The following NOX5 variants were observed in gnomAD, a reference collection of about 807,000 sequenced individuals.
The protein encoded by NOX5 is NADPH oxidase, EF-hand calcium binding domain 5.
A neutral mutation model predicts 85.7 loss-of-function variants in NOX5; 76 were observed. The ratio of observed to expected loss-of-function variants is 0.89; its 90% confidence interval spans 0.74 to 1.07. The LOEUF (loss-of-function observed/expected upper bound fraction) is 1.07. Ranked by LOEUF, NOX5 falls within the 50% of genes least tolerant of loss-of-function variation. The pLI is 0.00. For synonymous variants in NOX5, 405 were observed against 401.4 expected, an observed-to-expected ratio of 1.01 and a Z score of -0.11; for missense variants, 973 against 999.5, an observed-to-expected ratio of 0.97 and a Z score of 0.36.
At chr15:69,017,772 T>G (rs2050248600) in intron 1 of NOX5, among the ~76,000 whole-genome samples, 1 of 148,314 alleles carries the variant, frequency 6.7e-6, no homozygotes, top group Non-Finnish European at 1.5e-5. Flanking sequence ...TTGATATATT[T>G]TATACACACA....
chr15:69,037,116 C>T lies in NOX5; in HGVS notation c.1277C>T (p.Pro426Leu). 3 of 1,614,110 alleles carry T rather than the reference C, an allele frequency of 1.9e-6. No homozygotes were observed. Among genetic ancestry groups the T allele is most frequent in the Non-Finnish European group, 2.5e-6 (3 of 1,180,024 alleles). The change falls in exon 8 of 16, where the codon CCT (proline) becomes CTT (leucine). Residue 426 changes from proline (P) to leucine (L), a missense_variant. Coordinates refer to ENST00000388866, the MANE Select transcript of NOX5 (RefSeq NM_024505.4). ...GPNFWKWLLV[P>L]GILFFLEKAI... ...AACTTCTGGAAGTGGCTGCTGGTGC[C>T]TGGAATCTTGTTTTTCCTGGAGAAG...
intron 1 of NOX5, among the ~76,000 whole-genome samples, chr15:69,016,012 C>T (rs543983942): frequency 3.4e-4 from 52 of 152,330 alleles, no homozygotes; most frequent in African/African-American, 1.2e-3. Context: ...AAAGAGGCTC[C>T]TTGGCTGATG....
At chr15:69,033,707 T>TC (rs1340527537) in intron 5 of NOX5, among the ~76,000 whole-genome samples, 13 of 149,596 alleles carry the variant, frequency 8.7e-5, no homozygotes, top group African/African-American at 3.2e-4. Context: ...TTTTCTTTTT[T>TC]TTTTTTTTTT....
At chr15:69,046,726 A>G (rs1024110031) in intron 10 of NOX5, 96 bp from the exon 11 acceptor site, 26 of 1,185,152 alleles carry the variant, frequency 2.2e-5, no homozygotes, top group Admixed American at 4.1e-5. Context: ...TTCCCTTTTT[A>G]TAAAGTTGCT....
At chr15:69,025,992 G>GA (rs2050352674) in intron 1 of NOX5, among the ~76,000 whole-genome samples, 1 of 151,988 alleles carries the variant, frequency 6.6e-6, no homozygotes, top group South Asian at 2.1e-4. Flanking sequence ...GGGCAGAATG[G>GA]AAAAAAACAC....
intron 10 of NOX5, among the ~76,000 whole-genome samples, chr15:69,043,013 CA>C (rs1304483332): frequency 2.6e-5 from 4 of 152,212 alleles, no homozygotes; most frequent in Admixed American, 2.6e-4. Context: ...TGATGTCCCC[CA>C]TTAGAAGGGG....
intron 9 of NOX5, 87 bp downstream of exon 9, chr15:69,039,076 C>T (rs971518764): frequency 7.6e-6 from 11 of 1,448,922 alleles, no homozygotes; most frequent in Admixed American, 1.7e-5. Context: ...CGGAACACAG[C>T]ACTGAACAAG....
intron 14 of NOX5, among the ~76,000 whole-genome samples, chr15:69,053,217 G>C (rs984356547): frequency 2.6e-5 from 4 of 152,136 alleles, no homozygotes; most frequent in Non-Finnish European, 4.4e-5. Context: ...ACCCTTAATA[G>C]GTATAGGACC....
intron 5 of NOX5, 104 bp downstream of exon 5, chr15:69,033,381 A>AG: frequency 7.7e-7 from 1 of 1,305,118 alleles, no homozygotes; most frequent in Non-Finnish European, 1.0e-6. Context: ...ATGCCAGGGC[A>AG]GGGTGGCACC....
intron 14 of NOX5, among the ~76,000 whole-genome samples, chr15:69,049,781 C>G (rs1206283033): frequency 6.6e-6 from 1 of 152,120 alleles, no homozygotes; most frequent in Non-Finnish European, 1.5e-5. Context: ...TAACATGCTC[C>G]TCAAACGATT....
chr15:69,047,716 C>T lies in NOX5; in HGVS notation c.1818-114C>T. 3 of 1,325,854 alleles carry T rather than the reference C, an allele frequency of 2.3e-6. 1 individual carries two copies. In the South Asian group the frequency reaches 4.0e-5, roughly 18 times the overall value. 82.1% of individuals were successfully genotyped at this position (1,325,854 alleles called of 1,614,324 possible). ...TTTTTGTGTCTCATCCCTCCCCTTC[C>T]TCATAGAGTGGGCTCTGCCACCCCA... On this transcript the variant is annotated intron_variant, in intron 12 of 15. Transcript: ENST00000388866.
chr15:69,023,637 T>A (rs2050321592), intron 1 of NOX5: 3 of 182,574 alleles, frequency 1.6e-5, no homozygotes, highest in African/African-American at 7.2e-5. Flanking sequence ...TTATCTAATT[T>A]ACTACCAGGA....
Position 69,058,747 on chromosome 15 carries a change from G to C in NOX5, c.*2051G>C, listed in dbSNP as rs905169468. On this transcript the variant is annotated 3_prime_UTR_variant, in exon 16 of 16. Coordinates refer to ENST00000388866, the MANE Select transcript of NOX5 (RefSeq NM_024505.4). The stretch of plus-strand genomic sequence containing the variant: ...CACACCTGGAGTTTTACCAGCCTGA[G>C]GCCACACACTCTTGGAACCTCTTTC... 6.6e-6 allele frequency: 1 copy of C among 152,086 alleles called. No individual in the cohort carries two copies. Among genetic ancestry groups the C allele is most frequent in the Non-Finnish European group, 1.5e-5 (1 of 68,046 alleles). 9.4% of individuals were successfully genotyped at this position (152,086 alleles called of 1,614,324 possible).
At chr15:69,016,167 A>G (rs2050229896) in intron 1 of NOX5, among the ~76,000 whole-genome samples, 1 of 152,042 alleles carries the variant, frequency 6.6e-6, no homozygotes, top group South Asian at 2.1e-4. Context: ...TACTAAATAA[A>G]GTGGCTGGCA....
intron 9 of NOX5, among the ~76,000 whole-genome samples, chr15:69,039,665 CT>C (rs1292975565): frequency 6.6e-6 from 1 of 152,156 alleles, no homozygotes; most frequent in East Asian, 1.9e-4. Flanking sequence ...GGACTTGGGC[CT>C]TATAGAGCCC....
chr15:69,032,750 A>G (rs1022910085), intron 4 of NOX5, among the ~76,000 whole-genome samples: 2 of 152,196 alleles, frequency 1.3e-5, no homozygotes, highest in Admixed American at 6.5e-5. Context: ...TACTTACCAA[A>G]ACATATTTCA....
chr15:69,037,219 G>T lies in NOX5; in HGVS notation c.1371+9G>T. 1 of 1,610,728 alleles carries T rather than the reference G, an allele frequency of 6.2e-7. No individual in the cohort carries two copies. Among genetic ancestry groups the T allele is most frequent in the Non-Finnish European group, 8.5e-7 (1 of 1,178,386 alleles). On this transcript the variant is annotated intron_variant, in intron 8 of 15. Coordinates refer to ENST00000388866, the MANE Select transcript of NOX5 (RefSeq NM_024505.4). ...ACCTCCTCCCCTCCAAGGTACAAAG[G>T]TGGGGGATGGGGAGGTGCTTTTCCA...
intron 1 of NOX5, among the ~76,000 whole-genome samples, chr15:69,021,917 T>C (rs1197947526): frequency 2.6e-5 from 4 of 152,198 alleles, no homozygotes; most frequent in Non-Finnish European, 4.4e-5. Context: ...AAATGGATAT[T>C]TTGACATGGA....
At chr15:69,051,887 C>G (rs761210144) in intron 14 of NOX5, among the ~76,000 whole-genome samples, 2 of 151,558 alleles carry the variant, frequency 1.3e-5, no homozygotes, top group Non-Finnish European at 2.9e-5. Flanking sequence ...TACATGAAGT[C>G]ATTAACTGTT....
Sources: allele counts gnomAD v4.1 joint callset (sites outside exome capture counted in the v4.1 genomes callset), GRCh38; gene constraint gnomAD v4.1.1; transcripts MANE v1.5; gene names NCBI Gene and HGNC (gene_info 2026-07-23, HGNC 2026-07-21).